The following PARD3B variants were observed in gnomAD, a reference collection of about 807,000 sequenced individuals.
The protein encoded by PARD3B is partitioning defective 3 homolog B.
In PARD3B, 103 loss-of-function variants were observed where a neutral mutation model predicts 130.2. The ratio of observed to expected loss-of-function variants is 0.79; its 90% CI spans 0.67 to 0.93. PARD3B has a LOEUF of 0.93. Ranked by LOEUF, PARD3B falls within the 40% of genes least tolerant of loss-of-function variation. The pLI, the probability that PARD3B is intolerant of heterozygous loss-of-function variation, is 0.00. For missense variants in PARD3B, 1,609 were observed against 1,499.2 expected, an observed-to-expected ratio of 1.07 and a Z score of -1.21; for synonymous variants, 583 against 553.2, an observed-to-expected ratio of 1.05 and a Z score of -0.76.
chr2:205,554,814 T>C (rs1171095872), intron 22 of PARD3B, among the ~76,000 whole-genome samples: 2 of 152,198 alleles, frequency 1.3e-5, no homozygotes, highest in Non-Finnish European at 2.9e-5. Flanking sequence ...TTATAAGTAA[T>C]CTAGGGATGA....
chr2:204,874,266 G>C (rs1458975723), intron 2 of PARD3B, among the ~76,000 whole-genome samples: 1 of 152,176 alleles, frequency 6.6e-6, no homozygotes, highest in East Asian at 1.9e-4. Flanking sequence ...TGACAGCCCT[G>C]TATTACATCA....
intron 22 of PARD3B, among the ~76,000 whole-genome samples, chr2:205,588,556 A>T (rs1213319728): frequency 1.3e-5 from 2 of 151,972 alleles, no homozygotes; most frequent in African/African-American, 4.8e-5. Context: ...CTGTAGAGTT[A>T]TAGAAAGCTC....
At chr2:204,577,709 C>T (rs1340598526) in intron 1 of PARD3B, among the ~76,000 whole-genome samples, 1 of 152,084 alleles carries the variant, frequency 6.6e-6, no homozygotes, top group Non-Finnish European at 1.5e-5. Flanking sequence ...GGAGCTGGGA[C>T]TACAGCATGT....
intron 2 of PARD3B, among the ~76,000 whole-genome samples, chr2:204,721,985 C>T (rs924980181): frequency 3.3e-5 from 5 of 152,056 alleles, no homozygotes; most frequent in Non-Finnish European, 7.4e-5. Flanking sequence ...TAGTGCCTTG[C>T]CACTGTGTCT....
At chr2:204,625,776 T>C (rs555018804) in intron 1 of PARD3B, among the ~76,000 whole-genome samples, 18 of 152,330 alleles carry the variant, frequency 1.2e-4, no homozygotes, top group Admixed American at 1.1e-3. Flanking sequence ...TATGAAACGC[T>C]CATTTCATAA....
At chr2:205,390,247 G>C (rs1241043037) in intron 18 of PARD3B, among the ~76,000 whole-genome samples, 1 of 149,704 alleles carries the variant, frequency 6.7e-6, no homozygotes, top group Non-Finnish European at 1.5e-5. Context: ...ATTCTATGAT[G>C]TTCTCATTGT....
At chr2:204,708,100 T>C (rs1184369682) in intron 2 of PARD3B, among the ~76,000 whole-genome samples, 2 of 152,140 alleles carry the variant, frequency 1.3e-5, no homozygotes, top group Non-Finnish European at 2.9e-5. Flanking sequence ...CTTCTGTGAC[T>C]GAGGGAACCT....
At chr2:205,464,094 AC>A (rs1301373689) in intron 20 of PARD3B, among the ~76,000 whole-genome samples, 3 of 152,086 alleles carry the variant, frequency 2.0e-5, no homozygotes, top group Non-Finnish European at 4.4e-5. Flanking sequence ...TGTAGTGGAT[AC>A]TTCTTAAGTC....
At chr2:204,651,360 C>A (rs1254939713) in intron 1 of PARD3B, among the ~76,000 whole-genome samples, 1 of 152,188 alleles carries the variant, frequency 6.6e-6, no homozygotes, top group African/African-American at 2.4e-5. Flanking sequence ...AAGAAAGGGG[C>A]TGTTGGCCCC....
intron 1 of PARD3B, among the ~76,000 whole-genome samples, chr2:204,650,898 GA>G (rs2035454518): frequency 6.6e-6 from 1 of 152,024 alleles, no homozygotes; most frequent in Admixed American, 6.6e-5. Flanking sequence ...GAGAGAGAGA[GA>G]GAGAGAGAAG....
intron 2 of PARD3B, among the ~76,000 whole-genome samples, chr2:204,761,138 A>G (rs2040880163): frequency 6.6e-6 from 1 of 152,220 alleles, no homozygotes; most frequent in African/African-American, 2.4e-5. Flanking sequence ...TGGAGCTGGG[A>G]TGCAAACCTA....
chr2:205,279,089 A>C (rs866566667), intron 16 of PARD3B, among the ~76,000 whole-genome samples: 6 of 149,396 alleles, frequency 4.0e-5, no homozygotes, highest in African/African-American at 1.5e-4. Flanking sequence ...AAAAAAAAAA[A>C]AAAAAAACAG....
At chr2:204,838,592 T>C (rs1293058956) in intron 2 of PARD3B, among the ~76,000 whole-genome samples, 2 of 152,128 alleles carry the variant, frequency 1.3e-5, no homozygotes, top group Non-Finnish European at 2.9e-5. Context: ...AGGGCCATTT[T>C]TGAGCTATGG....
At chr2:205,581,710 A>G (rs962595925) in intron 22 of PARD3B, among the ~76,000 whole-genome samples, 4 of 151,948 alleles carry the variant, frequency 2.6e-5, no homozygotes, top group African/African-American at 4.8e-5. Flanking sequence ...TCCAAACATC[A>G]CATGTACCCT....
intron 21 of PARD3B, among the ~76,000 whole-genome samples, chr2:205,500,978 G>C (rs2050138185): frequency 1.3e-5 from 2 of 152,140 alleles, no homozygotes; most frequent in African/African-American, 4.8e-5. Context: ...TCCTTTGAAA[G>C]GCAGATCTGT....
In PARD3B at chr2:205,333,147, C is replaced by T. The variant is rs190397732; in HGVS notation, c.2630+31446C>T. 2.3e-3 allele frequency among the ~76,000 whole-genome samples: 355 copies of T among 152,086 alleles called. 2 individuals carry two copies. The highest frequency in any genetic ancestry group is 6.8e-3 in the Middle Eastern group (2 of 294). On this transcript the variant is annotated intron_variant, in intron 18 of 22. Coordinates refer to ENST00000406610, the MANE Select transcript of PARD3B (RefSeq NM_001302769.2). Reference sequence around the variant, plus strand: ...CCAGACAAAGAAAAAAGGAGAGGGACTGAATCTGTTGGGTAGGTGAGAGGG... The same window carrying T: ...CCAGACAAAGAAAAAAGGAGAGGGATTGAATCTGTTGGGTAGGTGAGAGGG...
At chr2:204,777,890 C>G (rs13397200) in intron 2 of PARD3B, among the ~76,000 whole-genome samples, 1,777 of 152,178 alleles carry the variant, frequency 0.012, 37 homozygotes, top group African/African-American at 0.041. Context: ...AGGGTGGTTT[C>G]CCCATTCTGT....
chr2:204,920,951 CCACT>C (rs1292212872), intron 2 of PARD3B, among the ~76,000 whole-genome samples: 2 of 152,284 alleles, frequency 1.3e-5, no homozygotes, highest in East Asian at 1.9e-4. Context: ...TCCTATATGT[CCACT>C]CACTCACTTG....
intron 20 of PARD3B, among the ~76,000 whole-genome samples, chr2:205,493,747 T>G (rs978489844): frequency 1.0e-4 from 15 of 147,688 alleles, no homozygotes; most frequent in Admixed American, 4.0e-4. Flanking sequence ...TATTTATTTA[T>G]TTATTTATTT....
Sources: allele counts gnomAD v4.1 joint callset (sites outside exome capture counted in the v4.1 genomes callset), GRCh38; gene constraint gnomAD v4.1.1; transcripts MANE v1.5; gene names NCBI Gene and HGNC (gene_info 2026-07-23, HGNC 2026-07-21).